Variants in HMCN2 observed in about 807,000 individuals in gnomAD.
HMCN2 encodes the protein hemicentin-2.
In HMCN2, 325 loss-of-function variants were observed where a neutral mutation model predicts 377.5. That is an observed-to-expected ratio of 0.86 (90% CI 0.79 to 0.94). The LOEUF (loss-of-function observed/expected upper bound fraction) is 0.94. Among genes scored for constraint, HMCN2 ranks in the 40% least tolerant of loss-of-function variants. The probability of loss-of-function intolerance (pLI) is 0.00; values close to 1 mark genes in which losing one functional copy is unlikely to be tolerated. For missense variants in HMCN2, 4,543 were observed against 4,725.3 expected (o/e 0.96, Z 1.13); for synonymous variants, 2,007 against 2,046.8 (o/e 0.98, Z 0.53).
At chr9:130,284,574 A>T in intron 1 of HMCN2, 29 bp from the exon 2 acceptor site, 1 of 471,046 alleles carries the variant, frequency 2.1e-6, no homozygotes, top group African/African-American at 2.0e-5. Flanking sequence ...GTCCCAGCCC[A>T]TCTGGGCGTC....
chr9:130,294,773 GT>G (rs1186755118), intron 4 of HMCN2, 81 bp from the exon 5 acceptor site: 9 of 355,438 alleles, frequency 2.5e-5, no homozygotes, highest in Middle Eastern at 3.9e-4. Context: ...GACCTGGAAA[GT>G]TTGTATGCTG....
intron 62 of HMCN2, among the ~76,000 whole-genome samples, chr9:130,390,559 G>A (rs983133988): frequency 3.9e-5 from 6 of 152,318 alleles, no homozygotes; most frequent in Admixed American, 2.6e-4. Flanking sequence ...CCTGAAGGCC[G>A]GGAGTGGGAG....
chr9:130,369,507 A>G lies in HMCN2; in HGVS notation c.6788-63A>G. On this transcript the variant is annotated intron_variant, in intron 44 of 97. Coordinates refer to ENST00000683500, the MANE Select transcript of HMCN2 (RefSeq NM_001291815.2). The surrounding 1 kb of genome is among the most constrained non-coding windows in gnomAD (Gnocchi z 4.5). Reference sequence around the variant, plus strand: ...GGTGTGTCCCTATTGGGCCCGGGGTAAGTGTGTGGTGCCTGGTGGCCCCAG... The same window carrying G: ...GGTGTGTCCCTATTGGGCCCGGGGTGAGTGTGTGGTGCCTGGTGGCCCCAG... 2 of 919,684 alleles carry G rather than the reference A, an allele frequency of 2.2e-6. No individual in the cohort carries two copies. The highest frequency in any genetic ancestry group is 2.6e-6 in the Non-Finnish European group (2 of 769,608). 57.0% of individuals were successfully genotyped at this position (919,684 alleles called of 1,614,324 possible).
intron 23 of HMCN2, among the ~76,000 whole-genome samples, chr9:130,340,695 T>A (rs1838998057): frequency 6.6e-6 from 1 of 152,112 alleles, no homozygotes; most frequent in African/African-American, 2.4e-5. Context: ...ATTTTTGTAT[T>A]TTTAGTAGAG....
intron 15 of HMCN2, among the ~76,000 whole-genome samples, chr9:130,315,897 C>T (rs1355433708): frequency 6.6e-6 from 1 of 152,200 alleles, no homozygotes; most frequent in Non-Finnish European, 1.5e-5. Flanking sequence ...AGGGGCCTCA[C>T]TCTCATGACT....
At chr9:130,431,215 C>A in intron 95 of HMCN2, 152 bp from the exon 96 acceptor site, 1 of 773,620 alleles carries the variant, frequency 1.3e-6, no homozygotes, top group African/African-American at 1.7e-5. Flanking sequence ...CTCCCCCAAC[C>A]CCTGAACCTG....
chr9:130,392,493 A>C (rs1055953232), intron 66 of HMCN2, among the ~76,000 whole-genome samples: 3 of 152,132 alleles, frequency 2.0e-5, no homozygotes, highest in African/African-American at 4.8e-5. Context: ...GAGGACAGAG[A>C]GTGAAGCCAG....
In HMCN2 at chr9:130,303,483, G is replaced by T. The variant is rs1341044301; in HGVS notation, c.1422-4G>T. The T allele has an allele frequency of 4.4e-6, 2 of 450,242 alleles. No homozygotes were observed. The highest frequency in any genetic ancestry group is 3.3e-4 in the Middle Eastern group (1 of 3,020). The allele number at this position is 450,242 out of a possible 1,614,324, so 27.9% of individuals were successfully genotyped here. On this transcript the variant is annotated splice_polypyrimidine_tract_variant and splice_region_variant and intron_variant, in intron 9 of 97. Transcript: ENST00000683500. This position sits in a 1 kb window ranked among gnomAD's most constrained non-coding sequence, Gnocchi z 5.2. ...GTGTGTCTCCCACTGTTCCCTGTTTGCAGGGAGTCGGGAAACAGCAGCTGG... is the reference window on the plus strand; with the variant it reads ...GTGTGTCTCCCACTGTTCCCTGTTTTCAGGGAGTCGGGAAACAGCAGCTGG...
chr9:130,273,414 GTT>G, intron 1 of HMCN2, among the ~76,000 whole-genome samples: 1 of 151,766 alleles, frequency 6.6e-6, no homozygotes, highest in Non-Finnish European at 1.5e-5. Flanking sequence ...AATATTTCAC[GTT>G]TTAAGTGTTT....
Position 130,382,794 on chromosome 9 carries a change from A to G in HMCN2, c.8661A>G (p.Ser2887=), listed in dbSNP as rs1841801745. Residue 2887 remains serine, a synonymous_variant, in exon 56 of 98, where the codon TCA becomes TCG. Transcript: ENST00000683500. ...PALGNPVPTI[S]WLQNGLPFSP... ...TGGGAAACCCCGTGCCCACCATCTC[A>G]TGGCTCCAGAATGGGCTGCCTTTCT... The G allele has an allele frequency of 6.1e-6, 6 of 978,382 alleles. No individual in the cohort carries two copies. Among genetic ancestry groups the G allele is most frequent in the Non-Finnish European group, 7.3e-6 (6 of 823,328 alleles). 60.6% of individuals were successfully genotyped at this position (978,382 alleles called of 1,614,324 possible). A position where few individuals can be genotyped will look rare whatever the true frequency, so the allele number is the denominator to read the frequency against.
Position 130,428,234 on chromosome 9 carries a change from C to T in HMCN2, c.14066-124C>T, listed in dbSNP as rs1844507558. 3.4e-6 allele frequency: 4 copies of T among 1,172,456 alleles called. No individual in the cohort carries two copies. The African/African-American group carries it at 4.6e-5, about 14-fold the overall frequency. 72.6% of individuals were successfully genotyped at this position (1,172,456 alleles called of 1,614,324 possible). A position where few individuals can be genotyped will look rare whatever the true frequency, so the allele number is the denominator to read the frequency against. The stretch of plus-strand genomic sequence containing the variant: ...AAAGAGCTAGCAGAAGGGGTGGGGA[C>T]CTTCCTGCCAGTGGCTCCTGGGCCT... On this transcript the variant is annotated intron_variant, in intron 92 of 97. Coordinates refer to ENST00000683500, the MANE Select transcript of HMCN2 (RefSeq NM_001291815.2). This position sits in a 1 kb window ranked among gnomAD's most constrained non-coding sequence, Gnocchi z 5.0.
intron 43 of HMCN2, among the ~76,000 whole-genome samples, chr9:130,367,177 G>T (rs1840739991): frequency 6.6e-6 from 1 of 152,130 alleles, no homozygotes; most frequent in South Asian, 2.1e-4. Flanking sequence ...ACCGAGATGG[G>T]AGACCCCAGG....
chr9:130,355,443 T>C (rs760699514), intron 32 of HMCN2, among the ~76,000 whole-genome samples: 4 of 152,200 alleles, frequency 2.6e-5, no homozygotes, highest in African/African-American at 7.2e-5. Flanking sequence ...CAGGTCCTAG[T>C]GCTGTGTTGA....
chr9:130,296,915 C>A, intron 7 of HMCN2, 121 bp downstream of exon 7: 1 of 390,244 alleles, frequency 2.6e-6, no homozygotes, highest in Non-Finnish European at 5.3e-6. Context: ...TGAAAGGGAC[C>A]CTGCAGGAGG....
chr9:130,297,182 C>T (rs1836214588), intron 7 of HMCN2, among the ~76,000 whole-genome samples: 1 of 152,188 alleles, frequency 6.6e-6, no homozygotes, highest in Non-Finnish European at 1.5e-5. Context: ...CAGGCTAGTT[C>T]AATGAAAGAA....
intron 85 of HMCN2, among the ~76,000 whole-genome samples, chr9:130,412,361 C>T (rs1843468573): frequency 1.3e-5 from 2 of 152,016 alleles, no homozygotes; most frequent in Non-Finnish European, 1.5e-5. Context: ...TTATCAGATA[C>T]ATGATTTGCA....
chr9:130,351,031 C>T lies in HMCN2; in HGVS notation c.4431-392C>T, dbSNP rs1399907473. On this transcript the variant is annotated intron_variant, in intron 29 of 97. Coordinates refer to ENST00000683500, the MANE Select transcript of HMCN2 (RefSeq NM_001291815.2). This position sits in a 1 kb window ranked among gnomAD's most constrained non-coding sequence, Gnocchi z 5.4. ...CACCCTGGACCCATCAGCAGCCAGTCGCTGTCCCCTTCTCCCCAGCCCCTG... is the reference window on the plus strand; with the variant it reads ...CACCCTGGACCCATCAGCAGCCAGTTGCTGTCCCCTTCTCCCCAGCCCCTG... Among the ~76,000 whole-genome samples the T allele has an allele frequency of 1.3e-5, 2 of 152,190 alleles. No individual in the cohort carries two copies. Among genetic ancestry groups the T allele is most frequent in the African/African-American group, 2.4e-5 (1 of 41,446 alleles).
At chr9:130,377,407 C>A (rs1227316097) in intron 52 of HMCN2, among the ~76,000 whole-genome samples, 2 of 152,210 alleles carry the variant, frequency 1.3e-5, no homozygotes, top group Admixed American at 1.3e-4. Context: ...CCACTGCGCC[C>A]AGCCATATTT....
intron 25 of HMCN2, among the ~76,000 whole-genome samples, chr9:130,346,924 C>T (rs895924521): frequency 6.6e-6 from 1 of 152,054 alleles, no homozygotes; most frequent in Non-Finnish European, 1.5e-5. Context: ...CTGCAGTCCC[C>T]GCCTTGGTCC....
Sources: allele counts gnomAD v4.1 joint callset (sites outside exome capture counted in the v4.1 genomes callset), GRCh38; gene constraint gnomAD v4.1.1; non-coding constraint Gnocchi (gnomAD v3.1); transcripts MANE v1.5; gene names NCBI Gene and HGNC (gene_info 2026-07-23, HGNC 2026-07-21).